Variants in MAPK13 observed in about 807,000 individuals in gnomAD.
MAPK13 encodes the protein MAP kinase 13.
A neutral mutation model predicts 53.5 loss-of-function variants in MAPK13; 39 were observed. The ratio of observed to expected loss-of-function variants is 0.73; its 90% confidence interval spans 0.56 to 0.95. The LOEUF is 0.95. MAPK13 is among the 40% of genes least tolerant of loss of function. The pLI, the probability that MAPK13 is intolerant of heterozygous loss-of-function variation, is 0.00. For missense variants in MAPK13, 460 were observed against 471.8 expected (o/e 0.98, Z 0.23); for synonymous variants, 179 against 190.9 (o/e 0.94, Z 0.51).
intron 11 of MAPK13, 52 bp downstream of exon 11, chr6:36,139,107 T>G: frequency 6.5e-7 from 1 of 1,527,708 alleles, no homozygotes. Flanking sequence ...CCTCTCTTCC[T>G]TGCTTCCTCC....
rs1218546939 is a variant in MAPK13 at position 36,136,910 on chromosome 6, A to G, written c.642A>G (p.Ala214=). The G allele has an allele frequency of 1.7e-5, 27 of 1,614,230 alleles. No individual in the cohort carries two copies. The East Asian group carries it at 6.0e-4, about 36-fold the overall frequency. ...TCTGGTCTGTGGGCTGTATCATGGC[A>G]GAGATGCTGACAGGGAAAACTCTGT... The part of the protein sequence containing the change: ...VDIWSVGCIM[A]EMLTGKTLFK... Residue 214 remains alanine, a synonymous_variant, in exon 8 of 12, where the codon GCA becomes GCG. Transcript: ENST00000211287.
chr6:36,139,098 C>T lies in MAPK13; in HGVS notation c.1018+43C>T, dbSNP rs373645154. On this transcript the variant is annotated intron_variant, in intron 11 of 11. Coordinates refer to ENST00000211287, the MANE Select transcript of MAPK13 (RefSeq NM_002754.5). ...GGGCTTCCTCGCCTCCGCCTGCAGC[C>T]TCTCTTCCTTGCTTCCTCCATCTTT... The T allele has an allele frequency of 2.0e-6, 3 of 1,537,880 alleles. No individual in the cohort carries two copies. In the East Asian group the frequency reaches 6.8e-5, roughly 35 times the overall value.
In MAPK13 at chr6:36,143,204, T is replaced by G. The variant is rs1004914484; in HGVS notation, c.*3831T>G. ...TCTTTGCTGGGGCCTGAGTCATCCA[T>G]GAAAACAGACAGCAGCGGTGTCCCA... On this transcript the variant is annotated 3_prime_UTR_variant, in exon 12 of 12. Coordinates refer to ENST00000211287, the MANE Select transcript of MAPK13 (RefSeq NM_002754.5). 1 of 152,026 alleles carries G rather than the reference T, an allele frequency of 6.6e-6. No individual in the cohort carries two copies. Among genetic ancestry groups the G allele is most frequent in the Admixed American group, 6.6e-5 (1 of 15,254 alleles). The allele number at this position is 152,026 out of a possible 1,614,324, so 9.4% of individuals were successfully genotyped here.
Position 36,130,714 on chromosome 6 carries a change from G to T in MAPK13, c.119+13G>T. ...ATGGCTCCGTGTGGTGAGACCCCTG[G>T]GCCGCTGGGGGGCGGGGGGCGGGCG... On this transcript the variant is annotated intron_variant, in intron 1 of 11. Transcript: ENST00000211287. The surrounding 1 kb of genome is among the most constrained non-coding windows in gnomAD (Gnocchi z 4.5). The T allele has an allele frequency of 7.4e-7, 1 of 1,354,456 alleles. No homozygotes were observed. The highest frequency in any genetic ancestry group is 1.0e-6 in the Non-Finnish European group (1 of 990,194). The allele number at this position is 1,354,456 out of a possible 1,614,324, so 83.9% of individuals were successfully genotyped here.
In MAPK13 at chr6:36,139,426, T is replaced by C; in HGVS notation, c.*53T>C. On this transcript the variant is annotated 3_prime_UTR_variant, in exon 12 of 12. Coordinates refer to ENST00000211287, the MANE Select transcript of MAPK13 (RefSeq NM_002754.5). ...CAGACACTGCCCAAGGACCAGTATT[T>C]GTCACTACCAAACTCAGCCCTTCTT... 1.4e-6 allele frequency: 2 copies of C among 1,452,584 alleles called. No homozygotes were observed. The highest frequency in any genetic ancestry group is 1.9e-6 in the Non-Finnish European group (2 of 1,033,718). The allele number at this position is 1,452,584 out of a possible 1,614,324, so 90.0% of individuals were successfully genotyped here.
chr6:36,137,942 G>C (rs1766451582), intron 8 of MAPK13, among the ~76,000 whole-genome samples: 2 of 122,312 alleles, frequency 1.6e-5, no homozygotes, highest in South Asian at 5.7e-4. Flanking sequence ...CTGAGTGACA[G>C]AGTGAGACCC....
rs1371214931 is a variant in MAPK13, at chr6:36,143,085, AAC to A, written c.*3714_*3715del. 6.6e-6 allele frequency: 1 copy of A among 151,808 alleles called. No individual in the cohort carries two copies. The highest frequency in any genetic ancestry group is 1.5e-5 in the Non-Finnish European group (1 of 67,950). The allele number at this position is 151,808 out of a possible 1,614,324, so 9.4% of individuals were successfully genotyped here. ...CTGATGGGGTGGCTTAAAAGATCTT[AAC>A]AGAGAGAGATCAGGAAGCCAGACTG... On this transcript the variant is annotated 3_prime_UTR_variant, in exon 12 of 12. Coordinates refer to ENST00000211287, the MANE Select transcript of MAPK13 (RefSeq NM_002754.5).
At chr6:36,133,358 A>C (rs2127485990) in intron 3 of MAPK13, among the ~76,000 whole-genome samples, 1 of 152,338 alleles carries the variant, frequency 6.6e-6, no homozygotes, top group South Asian at 2.1e-4. Flanking sequence ...AGTAGGAAGC[A>C]GCTCGGAGGC....
chr6:36,139,144 C>A (rs1642983867), intron 11 of MAPK13, 89 bp downstream of exon 11: 1 of 1,442,658 alleles, frequency 6.9e-7, no homozygotes, highest in Non-Finnish European at 9.4e-7. Flanking sequence ...TCTGCCAGCC[C>A]TACCTGCCAC....
intron 8 of MAPK13, among the ~76,000 whole-genome samples, chr6:36,137,663 A>AC (rs1345660758): frequency 6.7e-6 from 1 of 149,910 alleles, no homozygotes; most frequent in Non-Finnish European, 1.5e-5. Context: ...AAAAAAAAAA[A>AC]AAAAAACAAA....
intron 2 of MAPK13, 72 bp from the exon 3 acceptor site, chr6:36,132,549 G>A: frequency 7.0e-7 from 1 of 1,423,638 alleles, no homozygotes. Context: ...CCCTGTGCAT[G>A]GCCAGGGCCC....
intron 3 of MAPK13, among the ~76,000 whole-genome samples, chr6:36,134,722 G>C (rs1005779866): frequency 1.6e-4 from 24 of 151,684 alleles, no homozygotes; most frequent in Non-Finnish European, 2.6e-4. Context: ...TTTCTGAAAG[G>C]TGGGGTCCAG....
Position 36,130,832 on chromosome 6 carries a change from G to T in MAPK13, c.119+131G>T. 1 of 533,180 alleles carries T rather than the reference G, an allele frequency of 1.9e-6. No individual in the cohort carries two copies. The highest frequency in any genetic ancestry group is 3.8e-5 in the Admixed American group (1 of 26,498). The allele number at this position is 533,180 out of a possible 1,614,324, so 33.0% of individuals were successfully genotyped here. On this transcript the variant is annotated intron_variant, in intron 1 of 11. Transcript: ENST00000211287. This position sits in a 1 kb window ranked among gnomAD's most constrained non-coding sequence, Gnocchi z 4.5. ...ACCTCAAGGCCCAGCGCCCTCCCCG[G>T]GGCCACCCAGCGGCCATCTCCCTTT...
intron 1 of MAPK13, 184 bp from the exon 2 acceptor site, chr6:36,131,087 G>A: frequency 1.6e-6 from 1 of 623,894 alleles, no homozygotes; most frequent in South Asian, 2.2e-5. Flanking sequence ...CCCTGGCGCT[G>A]TGCCCCTCTC....
At position 36,138,786 on chromosome 6, in the gene MAPK13, T is replaced by C. The variant is rs1478830607; in HGVS notation, c.841+6T>C. The C allele has an allele frequency of 3.1e-6, 5 of 1,613,966 alleles. No homozygotes were observed. Among genetic ancestry groups the C allele is most frequent in the Non-Finnish European group, 4.2e-6 (5 of 1,179,988 alleles). Reference sequence around the variant, plus strand: ...CCCACGGGCCAGCCCCCAGGGTGAGTCTCAGAGCCCGCTCCCCAGGGGCCT... The same window carrying C: ...CCCACGGGCCAGCCCCCAGGGTGAGCCTCAGAGCCCGCTCCCCAGGGGCCT... On this transcript the variant is annotated splice_donor_region_variant and intron_variant, in intron 10 of 11. Transcript: ENST00000211287.
chr6:36,143,879 T>C lies in MAPK13; in HGVS notation c.*4506T>C, dbSNP rs1322967463. 1 of 152,196 alleles carries C rather than the reference T, an allele frequency of 6.6e-6. No individual in the cohort carries two copies. The highest frequency in any genetic ancestry group is 1.5e-5 in the Non-Finnish European group (1 of 68,080). The allele number at this position is 152,196 out of a possible 1,614,324, so 9.4% of individuals were successfully genotyped here. A position where few individuals can be genotyped will look rare whatever the true frequency, so the allele number is the denominator to read the frequency against. ...TCCTGCTCTGGTTCCTCCTGCGGGG[T>C]CCCTGCTCAGCTGGGCAGCTGCCCT... On this transcript the variant is annotated 3_prime_UTR_variant, in exon 12 of 12. Coordinates refer to ENST00000211287, the MANE Select transcript of MAPK13 (RefSeq NM_002754.5).
chr6:36,130,898 G>A lies in MAPK13; in HGVS notation c.119+197G>A. 1 of 512,744 alleles carries A rather than the reference G, an allele frequency of 2.0e-6. No homozygotes were observed. The highest frequency in any genetic ancestry group is 2.5e-5 in the South Asian group (1 of 39,830). 31.8% of individuals were successfully genotyped at this position (512,744 alleles called of 1,614,324 possible). On this transcript the variant is annotated intron_variant, in intron 1 of 11. Transcript: ENST00000211287. This position sits in a 1 kb window ranked among gnomAD's most constrained non-coding sequence, Gnocchi z 4.5. The stretch of plus-strand genomic sequence containing the variant: ...GAGTGAGGTCTCTGGGGGTTGAGTT[G>A]GGACTGGGCCTGGTTCTCCAGGACT...
In MAPK13 at chr6:36,130,558, G is replaced by C. The variant is rs1419593910; in HGVS notation, c.-25G>C. ...GGCCGCGAACGCAGCCGCCACGCTG[G>C]GGCCGCCGAGATCGGGTGCCCGGGA... On this transcript the variant is annotated 5_prime_UTR_variant, in exon 1 of 12. Coordinates refer to ENST00000211287, the MANE Select transcript of MAPK13 (RefSeq NM_002754.5). This position sits in a 1 kb window ranked among gnomAD's most constrained non-coding sequence, Gnocchi z 4.5. 7.5e-7 allele frequency: 1 copy of C among 1,334,686 alleles called. No homozygotes were observed. The highest frequency in any genetic ancestry group is 1.0e-6 in the Non-Finnish European group (1 of 967,600). 82.7% of individuals were successfully genotyped at this position (1,334,686 alleles called of 1,614,324 possible).
chr6:36,131,805 C>A (rs1766329277), intron 2 of MAPK13, among the ~76,000 whole-genome samples: 1 of 152,174 alleles, frequency 6.6e-6, no homozygotes, highest in South Asian at 2.1e-4. Flanking sequence ...TCTGCATACA[C>A]TAACTTGTCT....
Sources: allele counts gnomAD v4.1 joint callset (sites outside exome capture counted in the v4.1 genomes callset), GRCh38; gene constraint gnomAD v4.1.1; non-coding constraint Gnocchi (gnomAD v3.1); transcripts MANE v1.5; gene names NCBI Gene and HGNC (gene_info 2026-07-23, HGNC 2026-07-21).